PDE8A: variants seen among roughly 807,000 people sequenced by gnomAD.
PDE8A encodes phosphodiesterase 8A, also known as high affinity cAMP-specific and IBMX-insensitive 3',5'-cyclic phosphodiesterase 8A.
In PDE8A, 59 loss-of-function variants were observed where a neutral mutation model predicts 105.0. That is an observed-to-expected ratio of 0.56 (90% CI 0.46 to 0.70). The LOEUF (loss-of-function observed/expected upper bound fraction) is 0.70. Ranked by LOEUF, PDE8A falls within the 30% of genes least tolerant of loss-of-function variation. The pLI, the probability that PDE8A is intolerant of heterozygous loss-of-function variation, is 0.00. For synonymous variants in PDE8A, 355 were observed against 371.9 expected, an observed-to-expected ratio of 0.95 and a Z score of 0.52; for missense variants, 1,014 against 1,045.9, an observed-to-expected ratio of 0.97 and a Z score of 0.42.
chr15:85,089,383 A>T lies in PDE8A; in HGVS notation c.681A>T (p.Ala227=), dbSNP rs761619896. ...CTGCATTAGAAAACAGTGAAGATGCAATTGAAATTACAAGCGAAGACCGTT... is the reference window on the plus strand; with the variant it reads ...CTGCATTAGAAAACAGTGAAGATGCTATTGAAATTACAAGCGAAGACCGTT... ...VFTALENSED[A]IEITSEDRFI... The change falls in exon 7 of 22, where the codon GCA becomes GCT. Residue 227 remains alanine, a synonymous_variant. Coordinates refer to ENST00000394553, the MANE Select transcript of PDE8A (RefSeq NM_002605.3). 12 of 1,595,658 alleles carry T rather than the reference A, an allele frequency of 7.5e-6. No homozygotes were observed. The highest frequency in any genetic ancestry group is 9.4e-6 in the Non-Finnish European group (11 of 1,165,646).
At position 85,122,879 on chromosome 15, in the gene PDE8A, G is replaced by T. The variant is rs1231602912; in HGVS notation, c.1953-182G>T. Reference sequence around the variant, plus strand: ...TTTAACTTCTTTTGAGGTTCTCCTTGCTAACGATCTAGGCACTAACCCCTA... The same window carrying T: ...TTTAACTTCTTTTGAGGTTCTCCTTTCTAACGATCTAGGCACTAACCCCTA... On this transcript the variant is annotated intron_variant, in intron 18 of 21. Coordinates refer to ENST00000394553, the MANE Select transcript of PDE8A (RefSeq NM_002605.3). Among the ~76,000 whole-genome samples the T allele has an allele frequency of 7.0e-4, 106 of 152,140 alleles. 1 individual carries two copies. Among genetic ancestry groups the T allele is most frequent in the Admixed American group, 6.9e-3 (106 of 15,276 alleles).
At chr15:85,130,670 T>C (rs2082318238) in intron 20 of PDE8A, among the ~76,000 whole-genome samples, 1 of 152,230 alleles carries the variant, frequency 6.6e-6, no homozygotes, top group Non-Finnish European at 1.5e-5. Context: ...GCCATTATTT[T>C]AGAAGTATCT....
At chr15:85,091,404 C>T (rs577800071) in intron 8 of PDE8A, among the ~76,000 whole-genome samples, 1 of 152,206 alleles carries the variant, frequency 6.6e-6, no homozygotes, top group Non-Finnish European at 1.5e-5. Flanking sequence ...TGAATTGACA[C>T]TTAACAATCA....
In PDE8A at chr15:85,126,211, C is replaced by T. The variant is rs376435048; in HGVS notation, c.2090C>T (p.Thr697Ile). 6 of 1,602,630 alleles carry T rather than the reference C, an allele frequency of 3.7e-6. No individual in the cohort carries two copies. Among genetic ancestry groups the T allele is most frequent in the Non-Finnish European group, 4.3e-6 (5 of 1,174,524 alleles). ...PLATLEENGE[T>I]DKNQEVINTM... ...TGAATTCCACTCATGTTTCAGGAAA[C>T]TGATAAAAACCAGGAAGTGATAAAC... The change falls in exon 20 of 22, where the codon ACT becomes ATT. Residue 697 changes from threonine to isoleucine, a missense_variant. Transcript: ENST00000394553.
In PDE8A at chr15:85,116,075, CTGGGACTTTGATATTTTTG is replaced by C; in HGVS notation, c.1492_1510del (p.Trp498AsnfsTer11). ...CTCGGGCCATGGAAAATGAGGAATA[CTGGGACTTTGATATTTTTG>C]AACTGGAGGCTGCCACCCACAATAG... On this transcript the variant is annotated frameshift_variant, in exon 16 of 22. Transcript: ENST00000394553. LOFTEE classifies it high-confidence loss of function. 6.2e-7 allele frequency: 1 copy of C among 1,613,980 alleles called. No individual in the cohort carries two copies. Among genetic ancestry groups the C allele is most frequent in the Non-Finnish European group, 8.5e-7 (1 of 1,179,876 alleles).
At chr15:84,993,704 A>AC (rs1462545365) in intron 1 of PDE8A, among the ~76,000 whole-genome samples, 2 of 151,126 alleles carry the variant, frequency 1.3e-5, no homozygotes, top group East Asian at 3.9e-4. Context: ...ACATAGTAAG[A>AC]CCCCCATTCT....
intron 1 of PDE8A, among the ~76,000 whole-genome samples, chr15:85,059,594 C>T (rs528654823): frequency 6.6e-6 from 1 of 152,268 alleles, no homozygotes; most frequent in Non-Finnish European, 1.5e-5. Flanking sequence ...TCTCTTATAG[C>T]CTTTTTTGGT....
chr15:85,040,653 C>T (rs562440072), intron 1 of PDE8A, among the ~76,000 whole-genome samples: 265 of 151,346 alleles, frequency 1.8e-3, no homozygotes, highest in Non-Finnish European at 3.1e-3. Context: ...CTCTGCCTCC[C>T]GGGTTCACGC....
intron 1 of PDE8A, among the ~76,000 whole-genome samples, chr15:85,056,895 C>T (rs1392573812): frequency 6.6e-6 from 1 of 152,168 alleles, no homozygotes; most frequent in African/African-American, 2.4e-5. Context: ...AGAGGCACTC[C>T]GATTTTTAGA....
chr15:85,070,352 G>A lies in PDE8A; in HGVS notation c.434+3148G>A, dbSNP rs1009457146. ...ACGTTGTAAGTCTCCTCAGGTCTGG[G>A]CACTGCATTTGGTACTAGAGCTACA... On this transcript the variant is annotated intron_variant, in intron 3 of 21. Coordinates refer to ENST00000394553, the MANE Select transcript of PDE8A (RefSeq NM_002605.3). Among the ~76,000 whole-genome samples the A allele has an allele frequency of 3.9e-5, 6 of 152,156 alleles. No homozygotes were observed. The East Asian group carries it at 5.8e-4, about 15-fold the overall frequency.
chr15:85,017,147 G>C (rs1026436667), intron 1 of PDE8A, among the ~76,000 whole-genome samples: 1 of 151,446 alleles, frequency 6.6e-6, no homozygotes, highest in Non-Finnish European at 1.5e-5. Flanking sequence ...TGTAGTCCCA[G>C]CTACTCGGGA....
intron 1 of PDE8A, among the ~76,000 whole-genome samples, chr15:85,027,573 G>A (rs1456994954): frequency 6.6e-6 from 1 of 152,152 alleles, no homozygotes; most frequent in African/African-American, 2.4e-5. Context: ...CCCTTTCAAG[G>A]AAATGTGCAA....
intron 6 of PDE8A, among the ~76,000 whole-genome samples, chr15:85,086,928 T>C (rs2081562198): frequency 6.6e-6 from 1 of 151,950 alleles, no homozygotes; most frequent in Admixed American, 6.6e-5. Flanking sequence ...AATTTTTTGT[T>C]GTTATTGTAT....
chr15:85,114,129 A>C, intron 14 of PDE8A, 92 bp downstream of exon 14: 1 of 1,116,214 alleles, frequency 9.0e-7, no homozygotes, highest in Non-Finnish European at 1.3e-6. Flanking sequence ...TTGAAGAGGC[A>C]GGCAGGGCTC....
intron 1 of PDE8A, among the ~76,000 whole-genome samples, chr15:85,031,016 G>A (rs191205583): frequency 2.0e-5 from 3 of 152,132 alleles, no homozygotes; most frequent in African/African-American, 4.8e-5. Flanking sequence ...TACGTTTAGC[G>A]CATAAAAGGT....
rs188353406 is a variant in PDE8A, at chr15:85,114,117, T to C, written c.1350+80T>C. On this transcript the variant is annotated intron_variant, in intron 14 of 21. Transcript: ENST00000394553. ...CTCAGAGGTTATTCACTTAAACAGA[T>C]ATTGAAGAGGCAGGCAGGGCTCTGT... The C allele has an allele frequency of 1.1e-4, 138 of 1,230,682 alleles. No homozygotes were observed. In the African/African-American group the frequency reaches 1.8e-3, roughly 16 times the overall value. 76.2% of individuals were successfully genotyped at this position (1,230,682 alleles called of 1,614,324 possible). A position where few individuals can be genotyped will look rare whatever the true frequency, so the allele number is the denominator to read the frequency against.
At chr15:85,124,532 A>G (rs2082230289) in intron 19 of PDE8A, among the ~76,000 whole-genome samples, 1 of 152,098 alleles carries the variant, frequency 6.6e-6, no homozygotes, top group Non-Finnish European at 1.5e-5. Context: ...CTTGACTTCT[A>G]ACTCCATTTT....
intron 2 of PDE8A, among the ~76,000 whole-genome samples, chr15:85,066,641 C>G (rs866204184): frequency 5.3e-5 from 7 of 132,152 alleles, no homozygotes; most frequent in South Asian, 2.6e-4. Context: ...CACACACACA[C>G]AGAAATGACG....
At chr15:85,114,479 T>A (rs2082065400) in intron 14 of PDE8A, among the ~76,000 whole-genome samples, 1 of 152,216 alleles carries the variant, frequency 6.6e-6, no homozygotes, top group African/African-American at 2.4e-5. Flanking sequence ...TTTAGATGAC[T>A]GTAGGAAAGA....
Sources: gnomAD v4.1 joint callset for allele counts (sites outside exome capture counted in the v4.1 genomes callset) on GRCh38, gnomAD v4.1.1 for gene constraint, MANE v1.5 for transcripts, NCBI Gene and HGNC (gene_info 2026-07-23, HGNC 2026-07-21) for gene names.